UNC5C: variants seen among roughly 807,000 people sequenced by gnomAD.
The protein encoded by UNC5C is unc-5 netrin receptor C, also known as netrin receptor UNC5C.
UNC5C carries 47 observed loss-of-function variants against 99.8 expected under a neutral mutation model. That is an observed-to-expected ratio of 0.47 (90% CI 0.37 to 0.60). UNC5C has a LOEUF of 0.60. UNC5C is among the 20% of genes least tolerant of loss of function. The pLI, the probability that UNC5C is intolerant of heterozygous loss-of-function variation, is 0.00. For missense variants in UNC5C, 1,062 were observed against 1,165.9 expected, an observed-to-expected ratio of 0.91 and a Z score of 1.30; for synonymous variants, 487 against 452.2, an observed-to-expected ratio of 1.08 and a Z score of -0.98.
At chr4:95,199,008 A>G (rs1266743322) in intron 12 of UNC5C, among the ~76,000 whole-genome samples, 1 of 152,090 alleles carries the variant, frequency 6.6e-6, no homozygotes, top group Non-Finnish European at 1.5e-5. Flanking sequence ...AACCTGTGGG[A>G]GTGAGGCCCT....
At chr4:95,362,014 C>T (rs980196692) in intron 1 of UNC5C, among the ~76,000 whole-genome samples, 8 of 151,616 alleles carry the variant, frequency 5.3e-5, no homozygotes, top group Admixed American at 5.3e-4. Flanking sequence ...ACTGAAACAG[C>T]CCAACAATTA....
intron 1 of UNC5C, among the ~76,000 whole-genome samples, chr4:95,460,197 G>GTTTTTTT (rs5860408): frequency 8.0e-5 from 11 of 137,398 alleles, no homozygotes; most frequent in African/African-American, 2.7e-4. Context: ...TCCATGTGGT[G>GTTTTTTT]TTTTTTTTTT....
intron 1 of UNC5C, among the ~76,000 whole-genome samples, chr4:95,508,121 T>C (rs1721972293): frequency 1.3e-5 from 2 of 152,024 alleles, no homozygotes; most frequent in South Asian, 4.1e-4. Flanking sequence ...TTAATCTCCC[T>C]ATACAGGATA....
intron 1 of UNC5C, among the ~76,000 whole-genome samples, chr4:95,450,168 G>A (rs1747239635): frequency 6.6e-6 from 1 of 152,140 alleles, no homozygotes; most frequent in Non-Finnish European, 1.5e-5. Context: ...CTGCATCTAG[G>A]CATTATAGGT....
At chr4:95,309,977 G>C (rs1742220434) in intron 2 of UNC5C, among the ~76,000 whole-genome samples, 1 of 152,172 alleles carries the variant, frequency 6.6e-6, no homozygotes, top group South Asian at 2.1e-4. Context: ...AGGGATATCT[G>C]CTCCCCTACA....
chr4:95,440,568 C>T (rs1244983566), intron 1 of UNC5C, among the ~76,000 whole-genome samples: 3 of 151,984 alleles, frequency 2.0e-5, no homozygotes, highest in African/African-American at 4.8e-5. Flanking sequence ...CTCAAAAATA[C>T]TGCATATATA....
chr4:95,528,937 T>A (rs1169728608), intron 1 of UNC5C, among the ~76,000 whole-genome samples: 1 of 152,198 alleles, frequency 6.6e-6, no homozygotes, highest in East Asian at 1.9e-4. Context: ...TACTTGATTT[T>A]TTTTTCTGAA....
chr4:95,548,858 C>G lies in UNC5C; in HGVS notation c.-1G>C. On this transcript the variant is annotated 5_prime_UTR_variant, in exon 1 of 16. Coordinates refer to ENST00000453304, the MANE Select transcript of UNC5C (RefSeq NM_003728.4). The stretch of plus-strand genomic sequence containing the variant: ...CTGTCGCCCGCAGACCTTTCCTCAT[C>G]GTAGACAGAGGTGTGCCGGGGGGAG... The G allele has an allele frequency of 1.2e-6, 2 of 1,612,694 alleles. No individual in the cohort carries two copies. Among genetic ancestry groups the G allele is most frequent in the South Asian group, 1.1e-5 (1 of 91,022 alleles).
chr4:95,268,082 T>G (rs1220900155), intron 4 of UNC5C, among the ~76,000 whole-genome samples: 1 of 151,670 alleles, frequency 6.6e-6, no homozygotes, highest in Non-Finnish European at 1.5e-5. Flanking sequence ...CCGGAGTAGC[T>G]GGGACTACAG....
chr4:95,316,675 C>T (rs181999263), intron 2 of UNC5C, among the ~76,000 whole-genome samples: 4 of 152,250 alleles, frequency 2.6e-5, no homozygotes, highest in Non-Finnish European at 4.4e-5. Flanking sequence ...TTCACAATCC[C>T]TTTTAGCTTG....
chr4:95,268,304 A>C (rs1321374291), intron 4 of UNC5C, among the ~76,000 whole-genome samples: 2 of 152,214 alleles, frequency 1.3e-5, no homozygotes, highest in East Asian at 3.9e-4. Context: ...ATACCTAAGA[A>C]CTTGTTTATT....
chr4:95,465,389 T>C (rs1425882918), intron 1 of UNC5C, among the ~76,000 whole-genome samples: 1 of 152,174 alleles, frequency 6.6e-6, no homozygotes, highest in Non-Finnish European at 1.5e-5. Flanking sequence ...AATTATCTAA[T>C]GTTGTAAGGG....
intron 2 of UNC5C, among the ~76,000 whole-genome samples, chr4:95,309,248 G>C (rs138424188): frequency 6.6e-6 from 1 of 151,964 alleles, no homozygotes; most frequent in Non-Finnish European, 1.5e-5. Flanking sequence ...AATGAAATTA[G>C]ACCCTTAACT....
At chr4:95,423,703 G>A (rs1746383030) in intron 1 of UNC5C, among the ~76,000 whole-genome samples, 1 of 152,114 alleles carries the variant, frequency 6.6e-6, no homozygotes, top group Admixed American at 6.5e-5. Flanking sequence ...ATTTCCAGAG[G>A]CATAAGTCAT....
chr4:95,529,466 C>T (rs1722584695), intron 1 of UNC5C, among the ~76,000 whole-genome samples: 1 of 151,600 alleles, frequency 6.6e-6, no homozygotes, highest in South Asian at 2.1e-4. Flanking sequence ...GTGGCTCATG[C>T]TTGTAATCTC....
At chr4:95,191,836 C>A (rs1351489998) in intron 12 of UNC5C, among the ~76,000 whole-genome samples, 1 of 141,938 alleles carries the variant, frequency 7.0e-6, no homozygotes, top group Non-Finnish European at 1.5e-5. Context: ...GCTCACCTTT[C>A]TCCTCTGCTC....
intron 1 of UNC5C, among the ~76,000 whole-genome samples, chr4:95,464,796 C>T (rs1462440034): frequency 6.6e-6 from 1 of 152,116 alleles, no homozygotes; most frequent in Non-Finnish European, 1.5e-5. Context: ...TGTATTCCCA[C>T]CTATACCTCA....
intron 5 of UNC5C, among the ~76,000 whole-genome samples, chr4:95,246,668 C>T (rs1167315362): frequency 6.6e-6 from 1 of 151,368 alleles, no homozygotes; most frequent in African/African-American, 2.4e-5. Context: ...AATATGTATA[C>T]AATACTTAAT....
At chr4:95,336,689 C>T (rs1162616875) in intron 1 of UNC5C, among the ~76,000 whole-genome samples, 1 of 151,804 alleles carries the variant, frequency 6.6e-6, no homozygotes, top group Non-Finnish European at 1.5e-5. Context: ...GTAATGATGT[C>T]CGGTCTCTGC....
Sources: gnomAD v4.1 joint callset for allele counts (sites outside exome capture counted in the v4.1 genomes callset) on GRCh38, gnomAD v4.1.1 for gene constraint, MANE v1.5 for transcripts, NCBI Gene and HGNC (gene_info 2026-07-23, HGNC 2026-07-21) for gene names.